Variants in ELAC2 observed in about 807,000 individuals in gnomAD.
ELAC2 encodes the protein zinc phosphodiesterase ELAC protein 2.
A neutral mutation model predicts 105.2 loss-of-function variants in ELAC2; 92 were observed. That is an observed-to-expected ratio of 0.87 (90% CI 0.74 to 1.04). The LOEUF (loss-of-function observed/expected upper bound fraction) is 1.04. Among genes scored for constraint, ELAC2 ranks in the 50% least tolerant of loss-of-function variants. The pLI, the probability that ELAC2 is intolerant of heterozygous loss-of-function variation, is 0.00. For synonymous variants in ELAC2, 468 were observed against 409.1 expected, an observed-to-expected ratio of 1.14 and a Z score of -1.74; for missense variants, 1,099 against 1,071.7, an observed-to-expected ratio of 1.03 and a Z score of -0.36.
chr17:13,014,739 A>G lies in ELAC2; in HGVS notation c.433-243T>C, dbSNP rs146224671. Among the ~76,000 whole-genome samples the G allele has an allele frequency of 2.4e-4, 36 of 152,340 alleles. No individual in the cohort carries two copies. In the East Asian group the frequency reaches 3.5e-3, roughly 15 times the overall value. ...AGTGGAGGAGACAAAAGGAAACACG[A>G]TAACAGAAACAGCTTAGTGGCATTA... is the stretch of plus-strand genomic sequence containing the variant. On this transcript the variant is annotated intron_variant, in intron 4 of 23. Coordinates refer to ENST00000338034, the MANE Select transcript of ELAC2 (RefSeq NM_018127.7).
chr17:13,013,320 A>T (rs374067932), intron 5 of ELAC2, 45 bp from the exon 6 acceptor site: 14 of 1,602,806 alleles, frequency 8.7e-6, no homozygotes, highest in African/African-American at 2.7e-5. Flanking sequence ...ATTAGTGAAG[A>T]TGTGTGGGAA....
At chr17:13,005,309 G>C (rs1192914217) in intron 10 of ELAC2, among the ~76,000 whole-genome samples, 3 of 152,192 alleles carry the variant, frequency 2.0e-5, no homozygotes, top group Admixed American at 2.0e-4. Context: ...AGGCACTTCA[G>C]GCCTACACTG....
At chr17:13,017,518 G>T (rs2041811655) in intron 1 of ELAC2, 185 bp downstream of exon 1, 6 of 1,250,616 alleles carry the variant, frequency 4.8e-6, no homozygotes, top group Non-Finnish European at 6.5e-6. Context: ...GTTCTTCACA[G>T]ATCCGCAGAA....
intron 3 of ELAC2, among the ~76,000 whole-genome samples, chr17:13,016,141 C>T (rs574269587): frequency 6.6e-6 from 1 of 152,244 alleles, no homozygotes; most frequent in African/African-American, 2.4e-5. Flanking sequence ...CTAGTCTCAG[C>T]CCTGAGAAGG....
chr17:12,998,412 C>T lies in ELAC2; in HGVS notation c.1520G>A (p.Ser507Asn), dbSNP rs746238528. 6.2e-7 allele frequency: 1 copy of T among 1,613,946 alleles called. No individual in the cohort carries two copies. The highest frequency in any genetic ancestry group is 8.5e-7 in the Non-Finnish European group (1 of 1,179,838). Residue 507 changes from serine to asparagine, a missense_variant and splice_region_variant, in exon 16 of 24, where the codon AGC becomes AAC. Coordinates refer to ENST00000338034, the MANE Select transcript of ELAC2 (RefSeq NM_018127.7). ...RNVSATLVNISPDTSLLLDCG... is the reference protein window; with the variant it reads ...RNVSATLVNINPDTSLLLDCG... ...GATGCTTCCTGGGAAAGCAGCATAC[C>T]TTATGTTGACAAGTGTGGCACTGAC...
rs1250184674 is a variant in ELAC2, at chr17:13,005,045, TACCACCACAAAAGC to T, written c.913_926del (p.Ala305ArgfsTer5). ...GAATGAAGCTTTCATCTGGACATTCTACCACCACAAAAGCAGCACCAGGATCTGGAGGAGTACAC... is the reference window on the plus strand; with the variant it reads ...GAATGAAGCTTTCATCTGGACATTCTAGCACCAGGATCTGGAGGAGTACAC... On this transcript the variant is annotated frameshift_variant, in exon 11 of 24. Transcript: ENST00000338034. LOFTEE classifies it high-confidence loss of function. The T allele has an allele frequency of 6.2e-7, 1 of 1,614,172 alleles. No individual in the cohort carries two copies. The highest frequency in any genetic ancestry group is 8.5e-7 in the Non-Finnish European group (1 of 1,180,016).
At chr17:13,013,393 G>C in intron 5 of ELAC2, 118 bp from the exon 6 acceptor site, 4 of 1,106,268 alleles carry the variant, frequency 3.6e-6, no homozygotes, top group Non-Finnish European at 5.4e-6. Context: ...GTGGGAATCT[G>C]ACACGAAAAC....
At chr17:12,996,339 C>A in intron 17 of ELAC2, 2 of 737,494 alleles carry the variant, frequency 2.7e-6, no homozygotes, top group Non-Finnish European at 2.3e-6. Context: ...TGTCCTGCTG[C>A]AGGAAAGGAA....
At chr17:13,003,435 G>A in intron 12 of ELAC2, 44 bp downstream of exon 12, 1 of 1,571,546 alleles carries the variant, frequency 6.4e-7, no homozygotes, top group African/African-American at 1.3e-5. Flanking sequence ...ATCCACCACT[G>A]CCCAGAAGAG....
rs778281887 is a variant in ELAC2 at position 13,010,652 on chromosome 17, C to T, written c.699G>A (p.Gly233=). 1 of 1,614,104 alleles carries T rather than the reference C, an allele frequency of 6.2e-7. No homozygotes were observed. The highest frequency in any genetic ancestry group is 8.5e-7 in the Non-Finnish European group (1 of 1,180,030). ...HLPHGVSQRR[G]VRDSSLVVAF... ...CTACGACCAGGGAAGAGTCCCTGAC[C>T]CCTCTTCTCTGGCTAACACCTGAGG... Residue 233 remains glycine (G), a synonymous_variant, in exon 8 of 24, where the codon GGG becomes GGA. Transcript: ENST00000338034.
intron 17 of ELAC2, 127 bp downstream of exon 17, chr17:12,996,420 A>T: frequency 7.0e-7 from 1 of 1,427,216 alleles, no homozygotes; most frequent in Non-Finnish European, 9.7e-7. Flanking sequence ...ACCATTTCCT[A>T]GCCAGAGATG....
At chr17:13,000,402 G>C (rs1353473351) in intron 14 of ELAC2, 128 bp from the exon 15 acceptor site, 34 of 876,474 alleles carry the variant, frequency 3.9e-5, no homozygotes, top group Non-Finnish European at 6.0e-5. Flanking sequence ...CAACACTGAA[G>C]GTTAAGTGAC....
At chr17:13,016,803 G>C in intron 3 of ELAC2, 59 bp downstream of exon 3, 1 of 1,459,262 alleles carries the variant, frequency 6.9e-7, no homozygotes, top group Non-Finnish European at 9.6e-7. Flanking sequence ...AAATGGTAAA[G>C]CCGGTTAAAA....
rs530395471 is a variant in ELAC2 at position 13,002,150 on chromosome 17, T to C, written c.1304+124A>G. The C allele has an allele frequency of 1.7e-3, 1,776 of 1,017,686 alleles. 31 individuals are homozygous for C. The South Asian group carries it at 0.023, about 13-fold the overall frequency. 63.0% of individuals were successfully genotyped at this position (1,017,686 alleles called of 1,614,324 possible). ...TGTTTCTTTTGTGCTCAAAGCGGAG[T>C]TGAATAGTTACAACAGAGACCATAT... On this transcript the variant is annotated intron_variant, in intron 14 of 23. Coordinates refer to ENST00000338034, the MANE Select transcript of ELAC2 (RefSeq NM_018127.7).
rs116715402 is a variant in ELAC2 at position 12,999,423 on chromosome 17, G to A, written c.1423+733C>T. 4.0e-3 allele frequency among the ~76,000 whole-genome samples: 612 copies of A among 152,330 alleles called. 4 individuals are homozygous for A. Among genetic ancestry groups the A allele is most frequent in the African/African-American group, 0.014 (587 of 41,584 alleles). ...GAGGCAGGGTCAGGATTCAAATCCAGGGAGACCCGATGGTTCCAAAGCCTG... is the reference window on the plus strand; with the variant it reads ...GAGGCAGGGTCAGGATTCAAATCCAAGGAGACCCGATGGTTCCAAAGCCTG... On this transcript the variant is annotated intron_variant, in intron 15 of 23. Transcript: ENST00000338034.
chr17:13,007,092 CAG>C (rs1251776483), intron 8 of ELAC2, among the ~76,000 whole-genome samples: 1 of 147,128 alleles, frequency 6.8e-6, no homozygotes, highest in Non-Finnish European at 1.5e-5. Flanking sequence ...GCCTGGGCGA[CAG>C]AGTGAGACTC....
rs761967944 is a variant in ELAC2 at position 12,994,763 on chromosome 17, C to T, written c.2029+1G>A. ...GGTGGCTTGCTTCTTCCTCTACTCA[C>T]CCATCCGGACCAGAGCCTCGCAGGG... On this transcript the variant is annotated splice_donor_variant, in intron 21 of 23. Transcript: ENST00000338034. LOFTEE classifies it high-confidence loss of function. The T allele has an allele frequency of 1.2e-6, 2 of 1,613,944 alleles. No individual in the cohort carries two copies. The highest frequency in any genetic ancestry group is 2.2e-5 in the East Asian group (1 of 44,882).
intron 23 of ELAC2, 81 bp from the exon 24 acceptor site, chr17:12,993,126 T>C: frequency 7.1e-6 from 10 of 1,410,582 alleles, no homozygotes; most frequent in Non-Finnish European, 9.9e-6. Context: ...TGCAGTCATG[T>C]GCTCACACAG....
Position 12,992,738 on chromosome 17 carries a change from T to C in ELAC2, c.*80A>G. 6.4e-7 allele frequency: 1 copy of C among 1,553,096 alleles called. No individual in the cohort carries two copies. ...CTGGGGGACCGTGCTCTTCAGCTTC[T>C]ACCAGCAAGGAGGGCAGATACGGGT... On this transcript the variant is annotated 3_prime_UTR_variant, in exon 24 of 24. Transcript: ENST00000338034.
Sources: gnomAD v4.1 joint callset for allele counts (sites outside exome capture counted in the v4.1 genomes callset) on GRCh38, gnomAD v4.1.1 for gene constraint, MANE v1.5 for transcripts, NCBI Gene and HGNC (gene_info 2026-07-23, HGNC 2026-07-21) for gene names.